FREM2: variants seen among roughly 807,000 people sequenced by gnomAD.
The protein encoded by FREM2 is FRAS1-related extracellular matrix protein 2.
FREM2 carries 119 observed loss-of-function variants against 219.9 expected under a neutral mutation model. That is an observed-to-expected ratio of 0.54 (90% CI 0.47 to 0.63). The LOEUF is 0.63. Among genes scored for constraint, FREM2 ranks in the 30% least tolerant of loss-of-function variants. The pLI, the probability that FREM2 is intolerant of heterozygous loss-of-function variation, is 0.00. For synonymous variants in FREM2, 1,562 were observed against 1,522.8 expected (o/e 1.03, Z -0.60); for missense variants, 4,030 against 3,993.6 (o/e 1.01, Z -0.25).
chr13:38,755,958 G>A (rs184822378), intron 2 of FREM2, among the ~76,000 whole-genome samples: 83 of 152,310 alleles, frequency 5.4e-4, no homozygotes, highest in African/African-American at 1.9e-3. Flanking sequence ...AGCCACAGCT[G>A]TGTCTACATA....
In FREM2 at chr13:38,787,615, A is replaced by G. The variant is rs111368352; in HGVS notation, c.6019+2807A>G. Among the ~76,000 whole-genome samples, 559 of 152,196 alleles carry G rather than the reference A, an allele frequency of 3.7e-3. 2 individuals carry two copies. The highest frequency in any genetic ancestry group is 0.012 in the African/African-American group (502 of 41,562). On this transcript the variant is annotated intron_variant, in intron 6 of 23. Coordinates refer to ENST00000280481, the MANE Select transcript of FREM2 (RefSeq NM_207361.6). ...GTAATGCTCTAAAAAGAAAAAAATA[A>G]GTAAGTGTGGTTTAATCTCTTCTGG...
rs1368767594 is a variant in FREM2 at position 38,882,977 on chromosome 13, G to GT, written c.*2194dup. ...TGTTTTCAGGCTTTGGGTCAAGCTG[G>GT]TTTTATACCAAATTTCACTCTACAA... On this transcript the variant is annotated 3_prime_UTR_variant, in exon 24 of 24. Coordinates refer to ENST00000280481, the MANE Select transcript of FREM2 (RefSeq NM_207361.6). 1 of 152,082 alleles carries GT rather than the reference G, an allele frequency of 6.6e-6. No individual in the cohort carries two copies. The highest frequency in any genetic ancestry group is 1.5e-5 in the Non-Finnish European group (1 of 67,984). 9.4% of individuals were successfully genotyped at this position (152,082 alleles called of 1,614,324 possible). A position where few individuals can be genotyped will look rare whatever the true frequency, so the allele number is the denominator to read the frequency against.
At position 38,691,482 on chromosome 13, in the gene FREM2, A is replaced by G; in HGVS notation, c.4138A>G (p.Ile1380Val). ...FTQDEVDRNL[I>V]QYVHLGQEGI... ...CCAGGATGAAGTAGACAGAAACTTA[A>G]TTCAGTATGTCCATTTGGGGCAAGA... The change falls in exon 1 of 24, where the codon ATT becomes GTT. Residue 1380 changes from isoleucine to valine, a missense_variant. Ile to Val is a conservative substitution (Grantham distance 29). Around this residue, in one of 2 missense-constraint regions of FREM2, gnomAD observed 3,102 missense variants for 2,950.7 expected, o/e 1.05. Coordinates refer to ENST00000280481, the MANE Select transcript of FREM2 (RefSeq NM_207361.6). 1 of 1,614,156 alleles carries G rather than the reference A, an allele frequency of 6.2e-7. No homozygotes were observed.
chr13:38,878,092 T>G, intron 21 of FREM2, 42 bp from the exon 22 acceptor site: 1 of 1,515,020 alleles, frequency 6.6e-7, no homozygotes, highest in South Asian at 1.1e-5. Context: ...TTGATATACC[T>G]TATCATATAA....
In FREM2 at chr13:38,746,514, G is replaced by T. The variant is rs114841787; in HGVS notation, c.5264-17790G>T. 8.3e-3 allele frequency among the ~76,000 whole-genome samples: 1,258 copies of T among 152,230 alleles called. 24 individuals carry two copies. Among genetic ancestry groups the T allele is most frequent in the African/African-American group, 0.029 (1,207 of 41,526 alleles). ...GGTGGGAGGCAGAGAATTGAGTGCA[G>T]GGTAAGTTACCTAAGAGGAATGGTC... On this transcript the variant is annotated intron_variant, in intron 2 of 23. Transcript: ENST00000280481.
At position 38,850,111 on chromosome 13, in the gene FREM2, T is replaced by C. The variant is rs759223664; in HGVS notation, c.6453T>C (p.His2151=). The change falls in exon 9 of 24, where the codon CAT becomes CAC. Residue 2151 remains histidine, a synonymous_variant. Coordinates refer to ENST00000280481, the MANE Select transcript of FREM2 (RefSeq NM_207361.6). ...ESDGQIVTMI[H]RTGDVQYRSS... is the part of the protein sequence containing the mutation. Reference sequence around the variant, plus strand: ...ATGGGCAGATAGTTACAATGATCCATAGGACTGGGGATGTCCAGTACAGAT... The same window carrying C: ...ATGGGCAGATAGTTACAATGATCCACAGGACTGGGGATGTCCAGTACAGAT... 1.3e-5 allele frequency: 21 copies of C among 1,613,760 alleles called. No homozygotes were observed. The Admixed American group carries it at 2.7e-4, about 20-fold the overall frequency.
At chr13:38,738,634 G>T (rs1197655710) in intron 2 of FREM2, among the ~76,000 whole-genome samples, 4 of 150,484 alleles carry the variant, frequency 2.7e-5, no homozygotes, top group Non-Finnish European at 5.9e-5. Context: ...TTGGTTTAGA[G>T]ATGAGAAAAA....
At position 38,887,068 on chromosome 13, in the gene FREM2, T is replaced by A. The variant is rs1213580537; in HGVS notation, c.*6281T>A. ...CTTGCTGCCGCTTGTGTTTCATAACTACGCTTGCTTTCCTTCAAAATATAC... is the reference window on the plus strand; with the variant it reads ...CTTGCTGCCGCTTGTGTTTCATAACAACGCTTGCTTTCCTTCAAAATATAC... On this transcript the variant is annotated 3_prime_UTR_variant, in exon 24 of 24. Transcript: ENST00000280481. 6.6e-6 allele frequency: 1 copy of A among 152,230 alleles called. No homozygotes were observed. The highest frequency in any genetic ancestry group is 6.5e-5 in the Admixed American group (1 of 15,282). 9.4% of individuals were successfully genotyped at this position (152,230 alleles called of 1,614,324 possible).
In FREM2 at chr13:38,882,525, G is replaced by GT. The variant is rs750109089; in HGVS notation, c.*1744dup. On this transcript the variant is annotated 3_prime_UTR_variant, in exon 24 of 24. Coordinates refer to ENST00000280481, the MANE Select transcript of FREM2 (RefSeq NM_207361.6). ...TAGGCAGCTCTGCACTTCATGTTCA[G>GT]TTTTTTAAAAATAGACTGTAGTATC... The GT allele has an allele frequency of 5.9e-5, 9 of 152,114 alleles. No individual in the cohort carries two copies. Among genetic ancestry groups the GT allele is most frequent in the African/African-American group, 9.7e-5 (4 of 41,434 alleles). 9.4% of individuals were successfully genotyped at this position (152,114 alleles called of 1,614,324 possible).
intron 4 of FREM2, among the ~76,000 whole-genome samples, chr13:38,781,415 C>T (rs1261240313): frequency 3.3e-5 from 5 of 152,078 alleles, no homozygotes; most frequent in African/African-American, 1.2e-4. Context: ...TTCCCTGTCA[C>T]CCTCAGCATA....
chr13:38,775,554 A>G (rs1873839360), intron 4 of FREM2, among the ~76,000 whole-genome samples: 1 of 152,252 alleles, frequency 6.6e-6, no homozygotes, highest in Non-Finnish European at 1.5e-5. Flanking sequence ...AACTTTCTGG[A>G]AATTTCTCCA....
In FREM2 at chr13:38,878,838, C is replaced by G. The variant is rs759120705; in HGVS notation, c.8867C>G (p.Ala2956Gly). 6.2e-7 allele frequency: 1 copy of G among 1,614,152 alleles called. No individual in the cohort carries two copies. The highest frequency in any genetic ancestry group is 1.1e-5 in the South Asian group (1 of 91,090). Reference protein sequence around the residue: ...LLYRFKIVDKAQPETQATSFG... With the variant: ...LLYRFKIVDKGQPETQATSFG... ...TTTCCTTACTGCTTAAAGGACAAAG[C>G]TCAGCCAGAGACACAAGCGACCAGT... is the stretch of plus-strand genomic sequence containing the variant. Residue 2956 changes from alanine to glycine, a missense_variant, in exon 23 of 24, where the codon GCT becomes GGT. Transcript: ENST00000280481.
chr13:38,799,889 C>G (rs944544647), intron 6 of FREM2, among the ~76,000 whole-genome samples: 3 of 152,060 alleles, frequency 2.0e-5, no homozygotes, highest in Admixed American at 6.6e-5. Flanking sequence ...TTCTTATAGG[C>G]AGCATATATT....
rs560172905 is a variant in FREM2, at chr13:38,884,919, A to G, written c.*4132A>G. On this transcript the variant is annotated 3_prime_UTR_variant, in exon 24 of 24. Transcript: ENST00000280481. The stretch of plus-strand genomic sequence containing the variant: ...AGCTCATTTGTGAAAACATACTCTC[A>G]TGGGAGCTTCTTTAACATTAGTTCA... 6.6e-6 allele frequency: 1 copy of G among 152,328 alleles called. No individual in the cohort carries two copies. Among genetic ancestry groups the G allele is most frequent in the South Asian group, 2.1e-4 (1 of 4,832 alleles). 9.4% of individuals were successfully genotyped at this position (152,328 alleles called of 1,614,324 possible). A position where few individuals can be genotyped will look rare whatever the true frequency, so the allele number is the denominator to read the frequency against.
intron 16 of FREM2, among the ~76,000 whole-genome samples, chr13:38,872,156 T>G (rs1222976516): frequency 6.6e-6 from 1 of 152,176 alleles, no homozygotes; most frequent in African/African-American, 2.4e-5. Context: ...CAAACATGGA[T>G]GCACCTTGAA....
intron 11 of FREM2, among the ~76,000 whole-genome samples, chr13:38,853,735 A>G (rs1348127012): frequency 2.0e-5 from 3 of 152,246 alleles, no homozygotes; most frequent in Non-Finnish European, 2.9e-5. Flanking sequence ...TATATTTGAA[A>G]TAAATCACAT....
intron 16 of FREM2, among the ~76,000 whole-genome samples, chr13:38,865,641 A>T (rs1284583240): frequency 6.6e-6 from 1 of 152,240 alleles, no homozygotes; most frequent in Non-Finnish European, 1.5e-5. Flanking sequence ...GACTTTGACA[A>T]GTTCTGCTGG....
At chr13:38,718,556 C>T (rs1871100307) in intron 2 of FREM2, among the ~76,000 whole-genome samples, 1 of 152,176 alleles carries the variant, frequency 6.6e-6, no homozygotes, top group Non-Finnish European at 1.5e-5. Flanking sequence ...GCTCAGAAGT[C>T]AATTTACATC....
chr13:38,878,969 C>G lies in FREM2; in HGVS notation c.8998C>G (p.Leu3000Val). The G allele has an allele frequency of 1.2e-6, 2 of 1,614,164 alleles. No homozygotes were observed. Among genetic ancestry groups the G allele is most frequent in the Non-Finnish European group, 1.7e-6 (2 of 1,179,998 alleles). Residue 3000 changes from leucine (L) to valine (V), a missense_variant, in exon 23 of 24, where the codon CTC becomes GTC. Around this residue, in one of 2 missense-constraint regions of FREM2, gnomAD observed 928 missense variants for 1,042.9 expected, o/e 0.89. Transcript: ENST00000280481. ...SDGFKVDSTPLFQVALGREWY... is the reference protein window; with the variant it reads ...SDGFKVDSTPVFQVALGREWY... ...TGGATTTAAAGTCGACTCAACACCACTCTTTCAGGTAGGCCAAAAACAAGC... is the reference window on the plus strand; with the variant it reads ...TGGATTTAAAGTCGACTCAACACCAGTCTTTCAGGTAGGCCAAAAACAAGC...
Sources: gnomAD v4.1 joint callset for allele counts (sites outside exome capture counted in the v4.1 genomes callset) on GRCh38, gnomAD v4.1.1 for gene constraint, gnomAD v4.1.1 regional missense constraint, MANE v1.5 for transcripts, NCBI Gene and HGNC (gene_info 2026-07-23, HGNC 2026-07-21) for gene names.